ZNF584: variants seen among roughly 807,000 people sequenced by gnomAD.
ZNF584 encodes zinc finger protein 584.
ZNF584 carries 12 observed loss-of-function variants against 14.7 expected under a neutral mutation model. That is an observed-to-expected ratio of 0.82 (90% CI 0.52 to 1.32). The LOEUF is 1.32. Ranked by LOEUF, ZNF584 falls within the 40% of genes most tolerant of loss-of-function variation. ZNF584 has a pLI of 0.00. For missense variants in ZNF584, 478 were observed against 518.8 expected (o/e 0.92, Z 0.76); for synonymous variants, 204 against 190.9 (o/e 1.07, Z -0.57).
At chr19:58,403,060 G>A (rs754876597) in intron 1 of ZNF584, among the ~76,000 whole-genome samples, 2 of 152,130 alleles carry the variant, frequency 1.3e-5, no homozygotes, top group East Asian at 1.9e-4. Context: ...GGGAACTCTC[G>A]TTTACTGCTG....
chr19:58,409,908 G>T lies in ZNF584; in HGVS notation c.19-33G>T, dbSNP rs752101873. On this transcript the variant is annotated intron_variant, in intron 1 of 3. Coordinates refer to ENST00000306910, the MANE Select transcript of ZNF584 (RefSeq NM_173548.3). ...GAATGTGTCCATCTGTCCATATTTT[G>T]GTTGTTTTTTTCTGCCCATCATTGA... is the stretch of plus-strand genomic sequence containing the variant. 1.2e-5 allele frequency: 19 copies of T among 1,613,746 alleles called. No individual in the cohort carries two copies. In the Admixed American group the frequency reaches 2.0e-4, roughly 17 times the overall value.
At chr19:58,405,664 T>C (rs1297521648), upstream of ZNF584, 2 of 160,950 alleles carry the variant, frequency 1.2e-5, no homozygotes, top group Admixed American at 7.0e-5. Flanking sequence ...TCCTCACTTC[T>C]CAGACGGGGC....
At chr19:58,403,047 AAT>A (rs2052442025) in intron 1 of ZNF584, among the ~76,000 whole-genome samples, 1 of 152,178 alleles carries the variant, frequency 6.6e-6, no homozygotes, top group Non-Finnish European at 1.5e-5. Flanking sequence ...GTTGTGAGGC[AAT>A]GGGAACTCTC....
chr19:58,416,587 A>T, intron 3 of ZNF584: 1 of 409,650 alleles, frequency 2.4e-6, no homozygotes, highest in Non-Finnish European at 4.3e-6. Context: ...TTTTTAGAAG[A>T]GATGGGGTTT....
At chr19:58,410,770 TATATATAA>T (rs2052559387) in intron 2 of ZNF584, among the ~76,000 whole-genome samples, 1 of 40,254 alleles carries the variant, frequency 2.5e-5, no homozygotes, top group Admixed American at 2.5e-4. Context: ...TATGTATATA[TATATATAA>T]TTTTTTTTTT....
At chr19:58,416,714 C>T (rs1799598200) in intron 3 of ZNF584, 97 bp from the exon 4 acceptor site, 2 of 1,458,998 alleles carry the variant, frequency 1.4e-6, no homozygotes, top group Non-Finnish European at 1.8e-6. Flanking sequence ...TTCAGCAGTT[C>T]TATGGAGTCC....
chr19:58,402,321 G>A (rs1451667383), intron 1 of ZNF584, among the ~76,000 whole-genome samples: 2 of 152,134 alleles, frequency 1.3e-5, no homozygotes, highest in African/African-American at 4.8e-5. Flanking sequence ...AGAGGGTGGT[G>A]GGAGAAGAAG....
upstream of ZNF584, among the ~76,000 whole-genome samples, chr19:58,407,870 T>G (rs1159210924): frequency 6.6e-6 from 1 of 152,166 alleles, no homozygotes; most frequent in Non-Finnish European, 1.5e-5. Context: ...TACTCAGCCA[T>G]GTACTCACTC....
rs1198231561 is a variant in ZNF584 at position 58,408,925 on chromosome 19, C to T, written c.-223C>T. 3 of 483,912 alleles carry T rather than the reference C, an allele frequency of 6.2e-6. No homozygotes were observed. Among genetic ancestry groups the T allele is most frequent in the African/African-American group, 2.0e-5 (1 of 49,564 alleles). The allele number at this position is 483,912 out of a possible 1,614,324, so 30.0% of individuals were successfully genotyped here. Reference sequence around the variant, plus strand: ...CCCCACCGGCGAGTGGCTCCATCTTCCTCAGACTTATCGCTCGCGGACAGG... The same window carrying T: ...CCCCACCGGCGAGTGGCTCCATCTTTCTCAGACTTATCGCTCGCGGACAGG... On this transcript the variant is annotated 5_prime_UTR_variant, in exon 1 of 4. Transcript: ENST00000306910.
chr19:58,414,391 T>A (rs1599952526), intron 2 of ZNF584, among the ~76,000 whole-genome samples: 1 of 151,972 alleles, frequency 6.6e-6, no homozygotes, highest in South Asian at 2.1e-4. Context: ...CAGGCTGGAG[T>A]GCAGTGGCGC....
At position 58,408,981 on chromosome 19, in the gene ZNF584, C is replaced by A; in HGVS notation, c.-167C>A. 2 of 828,936 alleles carry A rather than the reference C, an allele frequency of 2.4e-6. No homozygotes were observed. The highest frequency in any genetic ancestry group is 2.4e-4 in the Middle Eastern group (1 of 4,174). The allele number at this position is 828,936 out of a possible 1,614,324, so 51.3% of individuals were successfully genotyped here. ...TGGGTCTCCCGGGCCTCCGTACCGTCCTCCTTCCCAGCGGCTCCGGGAAGC... is the reference window on the plus strand; with the variant it reads ...TGGGTCTCCCGGGCCTCCGTACCGTACTCCTTCCCAGCGGCTCCGGGAAGC... On this transcript the variant is annotated 5_prime_UTR_variant, in exon 1 of 4. Transcript: ENST00000306910.
chr19:58,409,754 C>G (rs1323897964), intron 1 of ZNF584, among the ~76,000 whole-genome samples, 187 bp from the exon 2 acceptor site: 1 of 152,014 alleles, frequency 6.6e-6, no homozygotes, highest in Non-Finnish European at 1.5e-5. Context: ...TCTGATATTC[C>G]TCTGGGATAG....
chr19:58,417,058 G>A lies in ZNF584; in HGVS notation c.540G>A (p.Thr180=), dbSNP rs200106028. 36 of 1,612,768 alleles carry A rather than the reference G, an allele frequency of 2.2e-5. No individual in the cohort carries two copies. The Admixed American group carries it at 3.5e-4, about 16-fold the overall frequency. The part of the protein sequence containing the change: ...KAFALLDHLI[T]HSEERPFRCP... ...TTGCCCTCCTTGACCATCTGATAAC[G>A]CATTCTGAAGAGAGACCCTTCAGAT... The change falls in exon 4 of 4, where the codon ACG becomes ACA. Residue 180 remains threonine, a synonymous_variant. Coordinates refer to ENST00000306910, the MANE Select transcript of ZNF584 (RefSeq NM_173548.3).
At chr19:58,416,651 C>A in intron 3 of ZNF584, 160 bp from the exon 4 acceptor site, 1 of 837,722 alleles carries the variant, frequency 1.2e-6, no homozygotes, top group Non-Finnish European at 1.7e-6. Flanking sequence ...ATCTGCCCGC[C>A]TTGGCCTCCC....
intron 2 of ZNF584, 137 bp downstream of exon 2, chr19:58,410,228 G>A (rs2052526988): frequency 8.5e-7 from 1 of 1,170,196 alleles, no homozygotes. Context: ...TGGGTGGTGG[G>A]ACTCGGTGGT....
At position 58,416,907 on chromosome 19, in the gene ZNF584, C is replaced by G; in HGVS notation, c.389C>G (p.Pro130Arg). The change falls in exon 4 of 4, where the codon CCA (proline) becomes CGA (arginine). Residue 130 changes from proline to arginine, a missense_variant. By Grantham distance (103) the Pro-to-Arg change is moderately radical (BLOSUM62 -2). Around this residue, in one of 3 missense-constraint regions of ZNF584, gnomAD observed 189 missense variants for 177.9 expected, o/e 1.06. Coordinates refer to ENST00000306910, the MANE Select transcript of ZNF584 (RefSeq NM_173548.3). ...CAGGACACTCATAGTGAGGGGAAAC[C>G]AAGAAGGCACACTGAGCATGGGGCA... ...QHQDTHSEGK[P>R]RRHTEHGAAF... 6.2e-7 allele frequency: 1 copy of G among 1,612,474 alleles called. No individual in the cohort carries two copies. Among genetic ancestry groups the G allele is most frequent in the Non-Finnish European group, 8.5e-7 (1 of 1,179,100 alleles).
intron 1 of ZNF584, among the ~76,000 whole-genome samples, chr19:58,409,511 A>C (rs1568583479): frequency 6.6e-6 from 1 of 152,148 alleles, no homozygotes; most frequent in Non-Finnish European, 1.5e-5. Context: ...GCAGGAGGCA[A>C]ACTGGACCCT....
At chr19:58,415,714 C>T in intron 3 of ZNF584, 68 bp downstream of exon 3, 1 of 1,609,386 alleles carries the variant, frequency 6.2e-7, no homozygotes, top group Non-Finnish European at 8.5e-7. Flanking sequence ...TACCTGCATA[C>T]ACCGATACCT....
chr19:58,404,946 C>T (rs563526375), upstream of ZNF584: 556 of 153,008 alleles, frequency 3.6e-3, 2 homozygotes, highest in Non-Finnish European at 5.9e-3. Flanking sequence ...GGCGGCCGGG[C>T]AGAGGCGCCC....
Sources: allele counts gnomAD v4.1 joint callset (sites outside exome capture counted in the v4.1 genomes callset), GRCh38; gene constraint gnomAD v4.1.1; regional missense constraint gnomAD v4.1.1; transcripts MANE v1.5; gene names NCBI Gene and HGNC (gene_info 2026-07-23, HGNC 2026-07-21).